Variants in CD109 observed in about 807,000 individuals in gnomAD.
CD109 encodes CD109 molecule, also known as CD109 antigen.
In CD109, 149 loss-of-function variants were observed where a neutral mutation model predicts 165.8. The observed-to-expected ratio is 0.90, with a 90% CI of 0.79 to 1.03. The LOEUF (loss-of-function observed/expected upper bound fraction) is 1.03. CD109 is among the 50% of genes least tolerant of loss of function. The pLI is 0.00. For synonymous variants in CD109, 585 were observed against 592.1 expected, an observed-to-expected ratio of 0.99 and a Z score of 0.18; for missense variants, 1,712 against 1,677.8, an observed-to-expected ratio of 1.02 and a Z score of -0.36.
At chr6:73,687,639 C>T in the CD109 span, among the ~76,000 whole-genome samples, 1 of 152,128 alleles carries the variant, frequency 6.6e-6, no homozygotes, top group African/African-American at 2.4e-5. Context: ...CATATCCTTT[C>T]CCACATAATT....
chr6:73,683,340 G>T, the CD109 span, among the ~76,000 whole-genome samples: 274 of 152,212 alleles, frequency 1.8e-3, no homozygotes, highest in Non-Finnish European at 3.1e-3. Context: ...GGGACAAAAT[G>T]CCACCAGTCT....
intron 19 of CD109, among the ~76,000 whole-genome samples, chr6:73,784,950 A>G (rs1452932818): frequency 1.3e-5 from 2 of 152,290 alleles, no homozygotes; most frequent in Non-Finnish European, 2.9e-5. Context: ...AAGAAGAGCA[A>G]ATTGCTTCGG....
At chr6:73,756,898 A>C (rs1445988645) in intron 6 of CD109, among the ~76,000 whole-genome samples, 5 of 152,168 alleles carry the variant, frequency 3.3e-5, no homozygotes, top group South Asian at 2.1e-4. Context: ...CTATAGTTGC[A>C]TTGTGCTAGT....
chr6:73,725,849 C>T (rs1395313357), intron 3 of CD109, among the ~76,000 whole-genome samples: 1 of 152,198 alleles, frequency 6.6e-6, no homozygotes, highest in East Asian at 1.9e-4. Context: ...ATATGAAATA[C>T]TAACTCTGAC....
intron 5 of CD109, among the ~76,000 whole-genome samples, chr6:73,740,696 G>A (rs1447587130): frequency 1.3e-5 from 2 of 150,890 alleles, no homozygotes; most frequent in East Asian, 1.9e-4. Flanking sequence ...AGGTTCAAGC[G>A]ATTCTCCTGC....
chr6:73,810,918 A>G lies in CD109; in HGVS notation c.3547-74A>G, dbSNP rs774330122. 1.6e-4 allele frequency: 233 copies of G among 1,438,158 alleles called. 2 individuals are homozygous for G. Among genetic ancestry groups the G allele is most frequent in the Admixed American group, 3.2e-4 (15 of 47,550 alleles). The allele number at this position is 1,438,158 out of a possible 1,614,324, so 89.1% of individuals were successfully genotyped here. On this transcript the variant is annotated intron_variant, in intron 27 of 32. Transcript: ENST00000287097. The stretch of plus-strand genomic sequence containing the variant: ...GAAGGTGTATGAATATCCAGCAACA[A>G]AATACTACTAAATTTACTCTTTGAA...
At chr6:73,807,802 G>A (rs1379890523) in intron 25 of CD109, among the ~76,000 whole-genome samples, 2 of 152,172 alleles carry the variant, frequency 1.3e-5, no homozygotes, top group African/African-American at 4.8e-5. Context: ...ATCTGAGTCT[G>A]TGATACTGAG....
chr6:73,780,914 G>T (rs1774465129), intron 16 of CD109, among the ~76,000 whole-genome samples: 1 of 150,724 alleles, frequency 6.6e-6, no homozygotes. Flanking sequence ...GTGTGTATGT[G>T]TGTGTGTGTA....
upstream of CD109, chr6:73,695,242 G>A (rs1256829249): frequency 1.3e-5 from 2 of 152,234 alleles, no homozygotes; most frequent in African/African-American, 4.8e-5. Flanking sequence ...CTTTTATGGT[G>A]TAGTCATGGT....
At chr6:73,739,789 A>C (rs559898716) in intron 5 of CD109, among the ~76,000 whole-genome samples, 128 of 152,278 alleles carry the variant, frequency 8.4e-4, no homozygotes, top group Non-Finnish European at 1.4e-3. Flanking sequence ...CGGAGCTTGC[A>C]GTGAGCCAAG....
chr6:73,788,524 T>C lies in CD109; in HGVS notation c.2613T>C (p.Asn871=). The change falls in exon 22 of 33, where the codon AAT becomes AAC. Residue 871 remains asparagine, a synonymous_variant. Transcript: ENST00000287097. ...CCATCTTATTAGACTTGACTGACAA[T>C]AGGCTACAGAGTACCCTGAAAACTT... ...SQSILLDLTD[N]RLQSTLKTLS... The C allele has an allele frequency of 6.2e-7, 1 of 1,611,604 alleles. No homozygotes were observed. Among genetic ancestry groups the C allele is most frequent in the Non-Finnish European group, 8.5e-7 (1 of 1,178,814 alleles).
intron 3 of CD109, among the ~76,000 whole-genome samples, chr6:73,727,796 A>C (rs1380746398): frequency 6.6e-6 from 1 of 152,226 alleles, no homozygotes; most frequent in Non-Finnish European, 1.5e-5. Flanking sequence ...ATATTTAGAA[A>C]TCGATGCCAT....
intron 32 of CD109, 66 bp from the exon 33 acceptor site, chr6:73,823,392 A>G (rs2150315071): frequency 1.6e-6 from 2 of 1,244,738 alleles, no homozygotes; most frequent in Non-Finnish European, 1.1e-6. Flanking sequence ...ATGCTCTTAT[A>G]TTTTGGCAAA....
Position 73,768,232 on chromosome 6 carries a change from G to C in CD109, c.1674+1G>C. On this transcript the variant is annotated splice_donor_variant, in intron 14 of 32. Transcript: ENST00000287097. LOFTEE classifies it high-confidence loss of function. ...TGTTCAGCTTGTTTTTAAAAATAAG[G>C]TAAGATTTAAGGTAATGATGTTTAA... The C allele has an allele frequency of 6.5e-7, 1 of 1,532,318 alleles. No individual in the cohort carries two copies. Among genetic ancestry groups the C allele is most frequent in the Non-Finnish European group, 9.0e-7 (1 of 1,110,104 alleles). 94.9% of individuals were successfully genotyped at this position (1,532,318 alleles called of 1,614,324 possible). A position where few individuals can be genotyped will look rare whatever the true frequency, so the allele number is the denominator to read the frequency against.
At chr6:73,738,027 A>G (rs1772612975) in intron 5 of CD109, among the ~76,000 whole-genome samples, 1 of 152,230 alleles carries the variant, frequency 6.6e-6, no homozygotes, top group Admixed American at 6.5e-5. Context: ...CAAAGAAGGT[A>G]AACATATGAC....
At chr6:73,733,190 A>C (rs1242685798) in intron 4 of CD109, among the ~76,000 whole-genome samples, 1 of 152,154 alleles carries the variant, frequency 6.6e-6, no homozygotes, top group Non-Finnish European at 1.5e-5. Context: ...TCTTGGCAAA[A>C]CTTTTCAGAA....
intron 11 of CD109, 74 bp from the exon 12 acceptor site, chr6:73,766,685 G>T: frequency 9.4e-7 from 1 of 1,060,578 alleles, no homozygotes; most frequent in Non-Finnish European, 1.4e-6. Flanking sequence ...TTTAATAATT[G>T]TTCAGCAGGT....
At chr6:73,739,909 C>T (rs1047503853) in intron 5 of CD109, among the ~76,000 whole-genome samples, 2 of 152,184 alleles carry the variant, frequency 1.3e-5, no homozygotes, top group African/African-American at 4.8e-5. Context: ...TCGTCTGTCA[C>T]TCAGGCTAGA....
At chr6:73,794,032 GC>G (rs1400243076) in intron 23 of CD109, among the ~76,000 whole-genome samples, 1 of 152,118 alleles carries the variant, frequency 6.6e-6, no homozygotes, top group African/African-American at 2.4e-5. Context: ...CAGTAAAGAC[GC>G]CATTGTAATG....
Sources: allele counts gnomAD v4.1 joint callset (sites outside exome capture counted in the v4.1 genomes callset), GRCh38; gene constraint gnomAD v4.1.1; transcripts MANE v1.5; gene names NCBI Gene and HGNC (gene_info 2026-07-23, HGNC 2026-07-21).